OPCML: variants seen among roughly 807,000 people sequenced by gnomAD.
OPCML encodes the protein opioid binding protein/cell adhesion molecule like.
A neutral mutation model predicts 37.8 loss-of-function variants in OPCML; 13 were observed. The ratio of observed to expected loss-of-function variants is 0.34; its 90% confidence interval spans 0.22 to 0.55. OPCML has a LOEUF of 0.55. OPCML is among the 20% of genes least tolerant of loss of function. OPCML has a pLI of 0.91. For synonymous variants in OPCML, 176 were observed against 168.8 expected, an observed-to-expected ratio of 1.04 and a Z score of -0.33; for missense variants, 341 against 435.6, an observed-to-expected ratio of 0.78 and a Z score of 1.93.
At chr11:133,141,630 T>C (rs976066615) in intron 1 of OPCML, among the ~76,000 whole-genome samples, 1 of 152,136 alleles carries the variant, frequency 6.6e-6, no homozygotes, top group African/African-American at 2.4e-5. Flanking sequence ...TCCTGGGACC[T>C]TCACCTGGCT....
At chr11:132,778,961 C>CTTTTTTTTTTTTTTT (rs10657036) in intron 2 of OPCML, among the ~76,000 whole-genome samples, 2 of 87,944 alleles carry the variant, frequency 2.3e-5, no homozygotes, top group Non-Finnish European at 4.3e-5. Context: ...TGGTATATTT[C>CTTTTTTTTTTTTTTT]TTTTTTTTTT....
intron 3 of OPCML, among the ~76,000 whole-genome samples, chr11:132,594,826 C>T (rs2096490001): frequency 6.6e-6 from 1 of 152,088 alleles, no homozygotes; most frequent in African/African-American, 2.4e-5. Context: ...CAGTTTAGTC[C>T]AATGCACTTA....
At chr11:133,089,972 T>C (rs1565441835) in intron 1 of OPCML, among the ~76,000 whole-genome samples, 1 of 152,214 alleles carries the variant, frequency 6.6e-6, no homozygotes, top group Non-Finnish European at 1.5e-5. Context: ...GCTTACTTCA[T>C]AGTGGGAGAT....
chr11:132,978,993 G>A (rs546555232), intron 1 of OPCML, among the ~76,000 whole-genome samples: 4 of 152,114 alleles, frequency 2.6e-5, no homozygotes, highest in Non-Finnish European at 4.4e-5. Flanking sequence ...GTTTCACATC[G>A]CAACAAATGT....
intron 1 of OPCML, among the ~76,000 whole-genome samples, chr11:133,115,004 C>T (rs1422419926): frequency 6.6e-6 from 1 of 152,194 alleles, no homozygotes; most frequent in Admixed American, 6.5e-5. Flanking sequence ...TTTGACTTAA[C>T]AGTCTTCAAA....
chr11:132,803,737 T>A (rs1364240988), intron 2 of OPCML, among the ~76,000 whole-genome samples: 4 of 152,218 alleles, frequency 2.6e-5, no homozygotes, highest in Non-Finnish European at 5.9e-5. Context: ...TAAAACTACC[T>A]AGTGACTCAA....
intron 1 of OPCML, among the ~76,000 whole-genome samples, chr11:132,987,253 G>T (rs11223315): frequency 6.6e-6 from 1 of 152,146 alleles, no homozygotes; most frequent in African/African-American, 2.4e-5. Flanking sequence ...GTTTTGTAAG[G>T]GGGAGGGAGG....
chr11:132,514,112 CT>C (rs1487868493), intron 4 of OPCML, among the ~76,000 whole-genome samples: 44 of 152,202 alleles, frequency 2.9e-4, no homozygotes, highest in African/African-American at 1.0e-3. Context: ...TAAGTACTTG[CT>C]TATTTATTTT....
chr11:133,116,673 T>G (rs1341425915), intron 1 of OPCML, among the ~76,000 whole-genome samples: 1 of 152,138 alleles, frequency 6.6e-6, no homozygotes, highest in Non-Finnish European at 1.5e-5. Context: ...ATAGGTTTGT[T>G]CCATTACTGG....
At chr11:133,197,204 C>T (rs1283312798) in intron 1 of OPCML, among the ~76,000 whole-genome samples, 1 of 152,212 alleles carries the variant, frequency 6.6e-6, no homozygotes, top group African/African-American at 2.4e-5. Flanking sequence ...CTTACCGGCA[C>T]CCTGAGTGAT....
intron 7 of OPCML, among the ~76,000 whole-genome samples, chr11:132,425,042 G>A (rs1269646135): frequency 6.6e-6 from 1 of 152,184 alleles, no homozygotes; most frequent in East Asian, 1.9e-4. Flanking sequence ...TCCTGGCTAG[G>A]TCAAAGGGTA....
rs60644917 is a variant in OPCML at position 132,781,955 on chromosome 11, T to TATATATATATA, written c.147-124637_147-124636insTATATATATAT. The stretch of plus-strand genomic sequence containing the variant: ...ATATATACATATATATATATATATA[T>TATATATATATA]TTTTTTTTTTTTTTTTTCTTGAGAG... On this transcript the variant is annotated intron_variant, in intron 2 of 7. Coordinates refer to ENST00000524381, the MANE Select transcript of OPCML (RefSeq NM_001012393.5). Among the ~76,000 whole-genome samples, 35 of 43,982 alleles carry TATATATATATA rather than the reference T, an allele frequency of 8.0e-4. No homozygotes were observed. The South Asian group carries it at 9.9e-3, about 12-fold the overall frequency. The allele number at this position is 43,982 out of a possible 152,430, so 28.9% of individuals were successfully genotyped here.
At chr11:132,822,134 C>A (rs79489473) in intron 2 of OPCML, among the ~76,000 whole-genome samples, 2,489 of 152,228 alleles carry the variant, frequency 0.016, 27 homozygotes, top group Middle Eastern at 0.031. Context: ...ACCCGTGATA[C>A]ACTCCCTGGG....
intron 1 of OPCML, among the ~76,000 whole-genome samples, chr11:133,064,367 G>A (rs1948404194): frequency 6.6e-6 from 1 of 152,232 alleles, no homozygotes; most frequent in Admixed American, 6.5e-5. Flanking sequence ...GAGGCCCCCG[G>A]GCAGAGCTCC....
In OPCML at chr11:133,532,383, C is replaced by G; in HGVS notation, c.-59G>C. 1 of 1,582,794 alleles carries G rather than the reference C, an allele frequency of 6.3e-7. No individual in the cohort carries two copies. Among genetic ancestry groups the G allele is most frequent in the Non-Finnish European group, 8.6e-7 (1 of 1,160,076 alleles). On this transcript the variant is annotated 5_prime_UTR_variant, in exon 1 of 8. Coordinates refer to ENST00000524381, the MANE Select transcript of OPCML (RefSeq NM_001012393.5). Reference sequence around the variant, plus strand: ...GCTACTGCTTCTGCTGCTGCTACCGCTGCTGCCTTCCTCTGTGCTGAATTC... The same window carrying G: ...GCTACTGCTTCTGCTGCTGCTACCGGTGCTGCCTTCCTCTGTGCTGAATTC...
At chr11:133,083,683 CCTT>C (rs1407412261) in intron 1 of OPCML, among the ~76,000 whole-genome samples, 1 of 152,214 alleles carries the variant, frequency 6.6e-6, no homozygotes, top group Non-Finnish European at 1.5e-5. Flanking sequence ...GCAGGATATT[CCTT>C]TGGAACACGG....
intron 2 of OPCML, among the ~76,000 whole-genome samples, chr11:132,770,001 C>T (rs903523724): frequency 3.3e-5 from 5 of 151,980 alleles, no homozygotes; most frequent in Admixed American, 6.5e-5. Context: ...GTGCTGAGTG[C>T]GACTCTGGGG....
intron 1 of OPCML, among the ~76,000 whole-genome samples, chr11:133,080,832 T>C (rs974373924): frequency 6.6e-6 from 1 of 152,138 alleles, no homozygotes; most frequent in African/African-American, 2.4e-5. Context: ...TCATTCATGA[T>C]TTACTCACCT....
chr11:133,045,830 C>A (rs1305389749), intron 1 of OPCML, among the ~76,000 whole-genome samples: 1 of 152,180 alleles, frequency 6.6e-6, no homozygotes, highest in Non-Finnish European at 1.5e-5. Flanking sequence ...GACAGCCTGC[C>A]AAGGGAAGGC....
Sources: allele counts gnomAD v4.1 joint callset (sites outside exome capture counted in the v4.1 genomes callset), GRCh38; gene constraint gnomAD v4.1.1; transcripts MANE v1.5; gene names NCBI Gene and HGNC (gene_info 2026-07-23, HGNC 2026-07-21).